ZNF44: variants seen among roughly 807,000 people sequenced by gnomAD.
The protein encoded by ZNF44 is gonadotropin inducible transcription repressor-2.
ZNF44 carries 9 observed loss-of-function variants against 11.7 expected under a neutral mutation model. That is an observed-to-expected ratio of 0.77 (90% CI 0.46 to 1.35). The LOEUF (loss-of-function observed/expected upper bound fraction) is 1.35. Ranked by LOEUF, ZNF44 falls within the 40% of genes most tolerant of loss-of-function variation. The pLI is 0.00. For missense variants in ZNF44, 696 were observed against 743.1 expected (o/e 0.94, Z 0.74); for synonymous variants, 224 against 242.7 (o/e 0.92, Z 0.72).
At chr19:12,291,974 A>C (rs529591952) in intron 1 of ZNF44, among the ~76,000 whole-genome samples, 1 of 151,510 alleles carries the variant, frequency 6.6e-6, no homozygotes, top group Non-Finnish European at 1.5e-5. Flanking sequence ...CCTGGGCAAT[A>C]TAGTGAAACT....
intron 1 of ZNF44, among the ~76,000 whole-genome samples, chr19:12,277,349 G>A (rs967680955): frequency 9.2e-5 from 14 of 152,108 alleles, no homozygotes; most frequent in Admixed American, 6.5e-4. Context: ...GGGTAATGTC[G>A]AAGGAGAAAG....
intron 5 of ZNF44, among the ~76,000 whole-genome samples, chr19:12,254,380 A>C (rs1446580528): frequency 6.6e-6 from 1 of 152,196 alleles, no homozygotes; most frequent in African/African-American, 2.4e-5. Flanking sequence ...TCCTTTTTAA[A>C]GATTTTTTCC....
downstream of ZNF44, among the ~76,000 whole-genome samples, chr19:12,246,845 G>A (rs1036419980): frequency 2.0e-5 from 3 of 150,264 alleles, no homozygotes; most frequent in Admixed American, 6.7e-5. Flanking sequence ...GGGCAACATG[G>A]CAAGACCCAT....
At chr19:12,250,819 C>A (rs1453824482) in intron 5 of ZNF44, 9 of 456,134 alleles carry the variant, frequency 2.0e-5, no homozygotes, top group Admixed American at 1.6e-4. Context: ...AGCATGAGAA[C>A]AAGAGGCACG....
chr19:12,285,784 C>T (rs773518987), intron 1 of ZNF44, among the ~76,000 whole-genome samples: 15 of 151,766 alleles, frequency 9.9e-5, no homozygotes, highest in Admixed American at 1.3e-4. Flanking sequence ...TTTGGGAGGC[C>T]GAGGCTGGCG....
chr19:12,272,928 G>A lies in ZNF44; in HGVS notation c.1327C>T (p.His443Tyr), dbSNP rs61737490. 1.4e-3 allele frequency: 2,328 copies of A among 1,614,094 alleles called. 32 individuals are homozygous for A. In the African/African-American group the frequency reaches 0.028, roughly 19 times the overall value. Residue 443 changes from histidine to tyrosine, a missense_variant, in exon 4 of 4, where the codon CAC becomes TAC. Physicochemically the swap from His to Tyr is moderately conservative, Grantham distance 83. Transcript: ENST00000355684. ...SSSLRKHETT[H>Y]TGEQPYKCKC... ...CATTTATAGGGTTGCTCTCCAGTGTGTGTTGTTTCATGTTTTCGAAGGGAA... is the reference window on the plus strand; with the variant it reads ...CATTTATAGGGTTGCTCTCCAGTGTATGTTGTTTCATGTTTTCGAAGGGAA...
At position 12,282,421 on chromosome 19, in the gene ZNF44, CT is replaced by C. The variant is rs59865823; in HGVS notation, c.4-6340del. Among the ~76,000 whole-genome samples, 500 of 126,194 alleles carry C rather than the reference CT, an allele frequency of 4.0e-3. 1 individual carries two copies. In the Middle Eastern group the frequency reaches 0.044, roughly 11 times the overall value. The allele number at this position is 126,194 out of a possible 152,430, so 82.8% of individuals were successfully genotyped here. A position where few individuals can be genotyped will look rare whatever the true frequency, so the allele number is the denominator to read the frequency against. On this transcript the variant is annotated intron_variant, in intron 1 of 3. Transcript: ENST00000355684. ...AAATCAACCCACTTGGAGAAGTCTT[CT>C]TTTTTTTTTTTTTTTTTGAGACGGA... is the stretch of plus-strand genomic sequence containing the variant.
At chr19:12,284,543 G>T (rs1390028425) in intron 1 of ZNF44, 2 of 706,790 alleles carry the variant, frequency 2.8e-6, no homozygotes, top group Non-Finnish European at 2.6e-6. Context: ...AGTCCCTGGA[G>T]GAGATCTATC....
In ZNF44 at chr19:12,247,644, C is replaced by T. The variant is rs772809650; in HGVS notation, c.*1221G>A. 15 of 1,343,304 alleles carry T rather than the reference C, an allele frequency of 1.1e-5. 1 individual carries two copies. Among genetic ancestry groups the T allele is most frequent in the South Asian group, 5.9e-5 (5 of 85,438 alleles). 83.2% of individuals were successfully genotyped at this position (1,343,304 alleles called of 1,614,324 possible). The stretch of plus-strand genomic sequence containing the variant: ...TGCAGTGTGCATCCTTTCATGTCTT[C>T]GGGCAGAACTGCAACAATAAAAGGC... On this transcript the variant is annotated 3_prime_UTR_variant and NMD_transcript_variant, in exon 8 of 8. Transcript: ENST00000393337.
At chr19:12,262,496 C>G (rs1226115155) in intron 5 of ZNF44, among the ~76,000 whole-genome samples, 1 of 152,104 alleles carries the variant, frequency 6.6e-6, no homozygotes, top group African/African-American at 2.4e-5. Context: ...GTTTTGATCT[C>G]CTGACCTCAT....
intron 7 of ZNF44, among the ~76,000 whole-genome samples, chr19:12,249,129 C>T (rs976849297): frequency 6.6e-6 from 1 of 151,958 alleles, no homozygotes; most frequent in Non-Finnish European, 1.5e-5. Flanking sequence ...CCTCACAATC[C>T]ACCCACCTCG....
chr19:12,230,681 T>A (rs960380513), intron 2 of ZNF44, among the ~76,000 whole-genome samples: 1 of 152,132 alleles, frequency 6.6e-6, no homozygotes, highest in Non-Finnish European at 1.5e-5. Flanking sequence ...CCAGCACCCA[T>A]CCTGGGTTTC....
intron 2 of ZNF44, among the ~76,000 whole-genome samples, chr19:12,234,230 A>T (rs1374947334): frequency 6.6e-6 from 1 of 152,184 alleles, no homozygotes; most frequent in African/African-American, 2.4e-5. Flanking sequence ...GCTATTATAA[A>T]AATAATAACA....
chr19:12,294,395 G>T (rs1475824548), intron 1 of ZNF44, among the ~76,000 whole-genome samples: 5 of 152,352 alleles, frequency 3.3e-5, no homozygotes, highest in Admixed American at 3.3e-4. Flanking sequence ...AACCTGTACT[G>T]GTTCCGCCGC....
chr19:12,253,843 G>A (rs377152627), intron 5 of ZNF44, among the ~76,000 whole-genome samples: 18 of 152,212 alleles, frequency 1.2e-4, no homozygotes, highest in African/African-American at 4.3e-4. Context: ...GCCAGGCGTG[G>A]TGGCAGGTGC....
chr19:12,273,582 A>G lies in ZNF44; in HGVS notation c.673T>C (p.Tyr225His), dbSNP rs1233697138. 1 of 1,614,140 alleles carries G rather than the reference A, an allele frequency of 6.2e-7. No individual in the cohort carries two copies. Among genetic ancestry groups the G allele is most frequent in the South Asian group, 1.1e-5 (1 of 91,074 alleles). The part of the protein sequence containing the change: ...HERTHTGEKP[Y>H]ECKQCSKAFP... ...GCTTTAGAACACTGCTTACATTCAT[A>G]TGGTTTCTCTCCAGTGTGAGTTCTT... The change falls in exon 4 of 4, where the codon TAT (tyrosine) becomes CAT (histidine). Residue 225 changes from tyrosine to histidine, a missense_variant. Coordinates refer to ENST00000355684, the MANE Select transcript of ZNF44 (RefSeq NM_016264.4).
chr19:12,271,090 TAAG>T (rs1711863255), downstream of ZNF44, among the ~76,000 whole-genome samples: 2 of 151,944 alleles, frequency 1.3e-5, no homozygotes, highest in South Asian at 2.1e-4. Flanking sequence ...TGCAGAAGAT[TAAG>T]AAGAGGAGCA....
At chr19:12,238,928 C>T (rs949148863), upstream of ZNF44, among the ~76,000 whole-genome samples, 1 of 152,162 alleles carries the variant, frequency 6.6e-6, no homozygotes, top group African/African-American at 2.4e-5. Context: ...TAACGCAGCC[C>T]CAGAGGGGAT....
chr19:12,237,773 A>ACCC (rs993616307), upstream of ZNF44: 2 of 58,370 alleles, frequency 3.4e-5, no homozygotes, highest in African/African-American at 1.3e-4. Context: ...CAGCCCTCCC[A>ACCC]CCCCCCCGCC....
Sources: gnomAD v4.1 joint callset for allele counts (sites outside exome capture counted in the v4.1 genomes callset) on GRCh38, gnomAD v4.1.1 for gene constraint, MANE v1.5 for transcripts, NCBI Gene and HGNC (gene_info 2026-07-23, HGNC 2026-07-21) for gene names.